USP34: variants seen among roughly 807,000 people sequenced by gnomAD.
The protein encoded by USP34 is ubiquitin carboxyl-terminal hydrolase 34.
USP34 carries 70 observed loss-of-function variants against 460.3 expected under a neutral mutation model. The ratio of observed to expected loss-of-function variants is 0.15; its 90% CI spans 0.13 to 0.19. The LOEUF (loss-of-function observed/expected upper bound fraction) is 0.19. Among genes scored for constraint, USP34 ranks in the 10% least tolerant of loss-of-function variants. The pLI is 1.00. For synonymous variants in USP34, 1,647 were observed against 1,405.3 expected, an observed-to-expected ratio of 1.17 and a Z score of -3.85; for missense variants, 3,985 against 4,236.2, an observed-to-expected ratio of 0.94 and a Z score of 1.65.
rs1213558114 is a variant in USP34, at chr2:61,239,300, T to TCTCACACACACA, written c.6777+2259_6777+2260insTGTGTGTGTGAG. Among the ~76,000 whole-genome samples the TCTCACACACACA allele has an allele frequency of 1.3e-3, 167 of 132,846 alleles. 1 individual carries two copies. The highest frequency in any genetic ancestry group is 4.5e-3 in the African/African-American group (157 of 34,874). The allele number at this position is 132,846 out of a possible 152,430, so 87.2% of individuals were successfully genotyped here. The stretch of plus-strand genomic sequence containing the variant: ...TTCCTCACTTTAAATGAGGGCCCTG[T>TCTCACACACACA]CACACACACACACACACACACACAC... On this transcript the variant is annotated intron_variant, in intron 53 of 79. Transcript: ENST00000398571.
intron 75 of USP34, among the ~76,000 whole-genome samples, chr2:61,202,780 A>G (rs1687012872): frequency 6.6e-6 from 1 of 152,118 alleles, no homozygotes; most frequent in Admixed American, 6.6e-5. Flanking sequence ...CGCACCCTCA[A>G]GAGCAGGGCT....
chr2:61,280,834 GTGAGAATAAA>G (rs1558507504), intron 38 of USP34, among the ~76,000 whole-genome samples: 1 of 152,154 alleles, frequency 6.6e-6, no homozygotes, highest in East Asian at 1.9e-4. Flanking sequence ...CCAGAACCGA[GTGAGAATAAA>G]TGCTATTTCT....
Position 61,301,420 on chromosome 2 carries a change from A to T in USP34, c.3852T>A (p.Ser1284=). 6.2e-7 allele frequency: 1 copy of T among 1,614,024 alleles called. No individual in the cohort carries two copies. The highest frequency in any genetic ancestry group is 8.5e-7 in the Non-Finnish European group (1 of 1,179,982). ...GLMGPVRMIS[S]GHELTTDYDE... ...CATAATCTGTTGTTAACTCGTGTCC[A>T]GATGAAATCATCCTGACAGGTCCCA... Residue 1284 remains serine, a synonymous_variant, in exon 28 of 80, where the codon TCT becomes TCA. Coordinates refer to ENST00000398571, the MANE Select transcript of USP34 (RefSeq NM_014709.4).
Position 61,281,186 on chromosome 2 carries a change from C to T in USP34, c.5055G>A (p.Leu1685=), listed in dbSNP as rs4645002. The T allele has an allele frequency of 3.0e-3, 4,807 of 1,614,028 alleles. 14 individuals carry two copies. Among genetic ancestry groups the T allele is most frequent in the Non-Finnish European group, 3.8e-3 (4,458 of 1,179,942 alleles). Residue 1685 remains leucine, a synonymous_variant, in exon 38 of 80, where the codon CTG becomes CTA. Coordinates refer to ENST00000398571, the MANE Select transcript of USP34 (RefSeq NM_014709.4). The stretch of plus-strand genomic sequence containing the variant: ...AACGATTGATTGAGTCTCCTCCATC[C>T]AGCCCTGACAGGGATAACTTATAGA... The part of the protein sequence containing the change: ...SGLYKLSLSG[L]DGGDSINRSF...
At chr2:61,393,843 ATCTT>A (rs1489554580) in intron 5 of USP34, among the ~76,000 whole-genome samples, 2 of 152,216 alleles carry the variant, frequency 1.3e-5, no homozygotes, top group South Asian at 2.1e-4. Flanking sequence ...ATTTAAAAGT[ATCTT>A]TCTTTCCGGG....
At chr2:61,311,478 G>GAAAAAGAAAAAAAAGAGAAAC (rs1553368197) in intron 27 of USP34, 62 bp downstream of exon 27, 3 of 1,480,220 alleles carry the variant, frequency 2.0e-6, no homozygotes, top group Non-Finnish European at 2.7e-6. Flanking sequence ...AAAAGAGAAA[G>GAAAAAGAAAAAAAAGAGAAAC]AGAAAGAGAA....
In USP34 at chr2:61,296,844, A is replaced by T. The variant is rs762574277; in HGVS notation, c.4210T>A (p.Cys1404Ser). ...VWELLMLLPT[C>S]PNMLMAFQNI... ...TGGAATGCCATCAACATATTAGGAC[A>T]TGTAGGAAGAAGCATCAGTAGCTCC... The change falls in exon 30 of 80, where the codon TGT becomes AGT. Residue 1404 changes from cysteine (C) to serine (S), a missense_variant. Physicochemically the swap from Cys to Ser is moderately radical, Grantham distance 112. This residue lies in a region of USP34 where 1,114 missense variants were observed against 1,122.5 expected (regional missense o/e 0.99). Coordinates refer to ENST00000398571, the MANE Select transcript of USP34 (RefSeq NM_014709.4). 2.5e-6 allele frequency: 4 copies of T among 1,613,750 alleles called. No homozygotes were observed. In the South Asian group the frequency reaches 4.4e-5, roughly 18 times the overall value.
chr2:61,299,287 T>C (rs1690145591), intron 29 of USP34, among the ~76,000 whole-genome samples: 1 of 152,158 alleles, frequency 6.6e-6, no homozygotes, highest in Non-Finnish European at 1.5e-5. Flanking sequence ...GGGAAAACTA[T>C]CAAAATACCA....
At chr2:61,343,731 A>T in intron 16 of USP34, 84 bp downstream of exon 16, 1 of 1,409,418 alleles carries the variant, frequency 7.1e-7, no homozygotes, top group Non-Finnish European at 9.9e-7. Context: ...CCATAACCTT[A>T]ACTATTGAGT....
At chr2:61,426,927 A>T (rs1238323932) in intron 1 of USP34, among the ~76,000 whole-genome samples, 2 of 152,244 alleles carry the variant, frequency 1.3e-5, no homozygotes, top group African/African-American at 4.8e-5. Context: ...TCCACAAATT[A>T]TCCAGATCTT....
Position 61,395,014 on chromosome 2 carries a change from A to C in USP34, c.604-12T>G. 1.3e-6 allele frequency: 2 copies of C among 1,571,316 alleles called. No homozygotes were observed. The highest frequency in any genetic ancestry group is 1.7e-6 in the Non-Finnish European group (2 of 1,166,482). ...GGTACTTCTACATCCTGGGAAAATA[A>C]AGAAAACATGTCATTATTTGAAAAC... On this transcript the variant is annotated splice_polypyrimidine_tract_variant and intron_variant, in intron 4 of 79. Transcript: ENST00000398571.
chr2:61,307,819 G>A (rs1000486322), intron 27 of USP34, among the ~76,000 whole-genome samples: 3 of 152,080 alleles, frequency 2.0e-5, no homozygotes, highest in African/African-American at 7.2e-5. Context: ...CGGCCAAGGG[G>A]GGAGGATAGC....
At chr2:61,424,636 G>A (rs953907183) in intron 1 of USP34, among the ~76,000 whole-genome samples, 13 of 152,076 alleles carry the variant, frequency 8.5e-5, no homozygotes, top group Admixed American at 3.3e-4. Context: ...AACACTTTGC[G>A]AGGCCAAGGC....
intron 1 of USP34, among the ~76,000 whole-genome samples, chr2:61,461,452 A>G (rs543895109): frequency 5.9e-5 from 9 of 152,248 alleles, no homozygotes; most frequent in Non-Finnish European, 1.3e-4. Context: ...AAAAAAACAT[A>G]CAATTCATTA....
chr2:61,277,318 C>A (rs1460070181), intron 41 of USP34, among the ~76,000 whole-genome samples: 1 of 151,368 alleles, frequency 6.6e-6, no homozygotes, highest in Non-Finnish European at 1.5e-5. Context: ...CTCACTGAAG[C>A]CTCGACCTCC....
chr2:61,272,639 A>G (rs957579626), intron 41 of USP34, among the ~76,000 whole-genome samples: 2 of 152,164 alleles, frequency 1.3e-5, no homozygotes, highest in East Asian at 1.9e-4. Context: ...TCCAACTAGC[A>G]TACGAGTAAA....
At chr2:61,400,410 G>C (rs1449768372) in intron 3 of USP34, among the ~76,000 whole-genome samples, 1 of 151,968 alleles carries the variant, frequency 6.6e-6, no homozygotes, top group Admixed American at 6.6e-5. Context: ...CGCCCGGCCA[G>C]AGGAAAGGCA....
At chr2:61,225,367 A>G (rs17007164) in intron 62 of USP34, among the ~76,000 whole-genome samples, 23,589 of 152,038 alleles carry the variant, frequency 0.16, 2,241 homozygotes, top group South Asian at 0.36. Flanking sequence ...GGAAAATTTT[A>G]CAATTCTTTT....
At chr2:61,194,954 A>C (rs80262592) in intron 75 of USP34, among the ~76,000 whole-genome samples, 2 of 20,962 alleles carry the variant, frequency 9.5e-5, no homozygotes, top group Non-Finnish European at 2.1e-4. Context: ...ACTCTGTCAA[A>C]AAAAAAAAAA....
Sources: allele counts gnomAD v4.1 joint callset (sites outside exome capture counted in the v4.1 genomes callset), GRCh38; gene constraint gnomAD v4.1.1; regional missense constraint gnomAD v4.1.1; transcripts MANE v1.5; gene names NCBI Gene and HGNC (gene_info 2026-07-23, HGNC 2026-07-21).